Variants in CUL4B observed in about 807,000 individuals in gnomAD.
The protein encoded by CUL4B is cullin-4B.
CUL4B carries 1 observed loss-of-function variant against 69.2 expected under a neutral mutation model. The ratio of observed to expected loss-of-function variants is 0.01; its 90% CI spans 0.01 to 0.07. The LOEUF (loss-of-function observed/expected upper bound fraction) is 0.07. Ranked by LOEUF, CUL4B falls within the 10% of genes least tolerant of loss-of-function variation. The pLI is 1.00. For synonymous variants in CUL4B, 237 were observed against 223.2 expected (o/e 1.06, Z -0.55); for missense variants, 328 against 638.8 (o/e 0.51, Z 5.24).
upstream of CUL4B, among the ~76,000 whole-genome samples, chrX:120,563,999 T>C (rs775282175): frequency 4.4e-5 from 5 of 112,505 alleles, no homozygotes; most frequent in South Asian, 1.8e-3. Context: ...AGTTACATGT[T>C]GGTTTTAAAA....
At chrX:120,568,195 C>T (rs1348496131), downstream of CUL4B, among the ~76,000 whole-genome samples, 3 of 110,691 alleles carry the variant, frequency 2.7e-5, no homozygotes, top group Non-Finnish European at 5.7e-5. Context: ...GAAGCCACTG[C>T]AATAGGGAGT....
chrX:120,562,658 G>A (rs748882631), upstream of CUL4B, among the ~76,000 whole-genome samples: 1 of 111,899 alleles, frequency 8.9e-6, no homozygotes, highest in Non-Finnish European at 1.9e-5. Context: ...CTCAAAGTGG[G>A]AGTTGCCAAA....
rs567034114 is a variant in CUL4B at position 120,545,256 on chromosome X, A to C, written c.920+188T>G. On this transcript the variant is annotated intron_variant, in intron 5 of 19. Coordinates refer to ENST00000371322, the MANE Select transcript of CUL4B (RefSeq NM_001079872.2). ...TCATAAATTAATATATGCCCAGGGA[A>C]TGTTAGCTATCTTCAATATTAGCAT... Among the ~76,000 whole-genome samples, 5 of 112,298 alleles carry C rather than the reference A, an allele frequency of 4.5e-5. No individual in the cohort carries two copies. In the South Asian group the frequency reaches 1.8e-3, roughly 41 times the overall value.
intron 1 of CUL4B, among the ~76,000 whole-genome samples, chrX:120,558,734 T>C (rs1436078402): frequency 8.9e-6 from 1 of 112,060 alleles, no homozygotes; most frequent in Non-Finnish European, 1.9e-5. Context: ...GGCTTTAAAC[T>C]TCACTGACTA....
At position 120,574,589 on chromosome X, in the gene CUL4B, T is replaced by G. The variant is rs2147360370; in HGVS notation, c.29A>C (p.Asp10Ala). Reference sequence around the variant, plus strand: ...GGTAGTAGCCTCATCATCATTCCCATCTCCTGATCCAGATGACTGTGACAT... The same window carrying G: ...GGTAGTAGCCTCATCATCATTCCCAGCTCCTGATCCAGATGACTGTGACAT... The change falls in exon 2 of 3, where the codon GAT (aspartate) becomes GCT (alanine). Residue 10 changes from aspartate (D) to alanine (A), a missense_variant. Coordinates refer to the CUL4B transcript ENST00000486604. 1.7e-6 allele frequency: 2 copies of G among 1,207,885 alleles called. No individual in the cohort carries two copies. The highest frequency in any genetic ancestry group is 3.5e-5 in the South Asian group (2 of 56,925).
At chrX:120,572,510 C>T (rs777827345) in intron 2 of CUL4B, among the ~76,000 whole-genome samples, 2 of 107,601 alleles carry the variant, frequency 1.9e-5, no homozygotes, top group Admixed American at 2.0e-4. Context: ...GTCCAGGTCT[C>T]AACAACCTTT....
chrX:120,560,126 G>A lies in CUL4B; in HGVS notation c.513C>T (p.Ser171=), dbSNP rs1416466946. ...SSTTVSSFAN[S]KPGSAKKLVI... ...CTAACTTCTTAGCAGAGCCAGGTTT[G>A]CTGTTAGCAAAGCTAGAGACGGTGG... Residue 171 remains serine, a synonymous_variant, in exon 1 of 20, where the codon AGC becomes AGT. Coordinates refer to ENST00000371322, the MANE Select transcript of CUL4B (RefSeq NM_001079872.2). 8.3e-7 allele frequency: 1 copy of A among 1,212,057 alleles called. No individual in the cohort carries two copies. Among genetic ancestry groups the A allele is most frequent in the African/African-American group, 1.7e-5 (1 of 57,882 alleles).
At chrX:120,544,064 G>C in intron 7 of CUL4B, 50 bp downstream of exon 7, 4 of 775,102 alleles carry the variant, frequency 5.2e-6, no homozygotes, top group Non-Finnish European at 6.0e-6. Context: ...TACAAAGTAA[G>C]GTCTATTGTG....
chrX:120,541,499 C>CAAAA, intron 10 of CUL4B, 103 bp downstream of exon 10: 1 of 514,407 alleles, frequency 1.9e-6, no homozygotes, highest in African/African-American at 2.7e-5. Context: ...AACTCTGTCT[C>CAAAA]AAAAAAAAAA....
intron 10 of CUL4B, among the ~76,000 whole-genome samples, chrX:120,541,018 T>C (rs771109171): frequency 1.0e-3 from 112 of 112,331 alleles, no homozygotes; most frequent in Admixed American, 2.1e-3. Context: ...TAGTGTAAGA[T>C]TGAAGAAAGG....
chrX:120,568,181 A>G (rs1925611770), downstream of CUL4B, among the ~76,000 whole-genome samples: 1 of 111,155 alleles, frequency 9.0e-6, no homozygotes, highest in Admixed American at 9.6e-5. Context: ...AAACAGAACT[A>G]GAAGAAGCCA....
In CUL4B at chrX:120,524,278, C is replaced by T. The variant is rs1922853079; in HGVS notation, c.*2483G>A. Among the ~76,000 whole-genome samples, 1 of 111,628 alleles carries T rather than the reference C, an allele frequency of 9.0e-6. No individual in the cohort carries two copies. The highest frequency in any genetic ancestry group is 1.9e-5 in the Non-Finnish European group (1 of 53,087). On this transcript the variant is annotated 3_prime_UTR_variant, in exon 20 of 20. Coordinates refer to ENST00000371322, the MANE Select transcript of CUL4B (RefSeq NM_001079872.2). Reference sequence around the variant, plus strand: ...CCATAACTAAGAGTAATCTTTTCTTCTCCCCTGAACTCAAATCTAGACTCA... The same window carrying T: ...CCATAACTAAGAGTAATCTTTTCTTTTCCCCTGAACTCAAATCTAGACTCA...
intron 2 of CUL4B, among the ~76,000 whole-genome samples, chrX:120,554,100 T>C (rs887862151): frequency 8.9e-6 from 1 of 112,254 alleles, no homozygotes; most frequent in Non-Finnish European, 1.9e-5. Flanking sequence ...TAAAATAAAA[T>C]GTAATTTTAA....
At chrX:120,530,348 G>A (rs1399441038) in intron 18 of CUL4B, 94 bp from the exon 19 acceptor site, 1 of 832,729 alleles carries the variant, frequency 1.2e-6, no homozygotes, top group Non-Finnish European at 1.8e-6. Context: ...CATTGTTATT[G>A]CTTTAAAGGT....
At position 120,550,702 on chromosome X, in the gene CUL4B, C is replaced by T. The variant is rs142381957; in HGVS notation, c.673-3463G>A. 5.6e-3 allele frequency among the ~76,000 whole-genome samples: 623 copies of T among 111,587 alleles called. 5 individuals are homozygous for T. Among genetic ancestry groups the T allele is most frequent in the African/African-American group, 0.016 (495 of 30,719 alleles). On this transcript the variant is annotated intron_variant, in intron 2 of 19. Transcript: ENST00000371322. ...CTAAGGTGAGTTTTGAGGTCAAGTTCGGAGGGAACATTCTGTTTTTCTAAT... is the reference window on the plus strand; with the variant it reads ...CTAAGGTGAGTTTTGAGGTCAAGTTTGGAGGGAACATTCTGTTTTTCTAAT...
intron 6 of CUL4B, 95 bp downstream of exon 6, chrX:120,544,386 T>C (rs960912810): frequency 3.1e-6 from 3 of 972,224 alleles, no homozygotes; most frequent in Non-Finnish European, 4.4e-6. Context: ...CCTTCAAACC[T>C]TGTTATGACA....
At chrX:120,531,054 T>C (rs1424906591) in intron 18 of CUL4B, among the ~76,000 whole-genome samples, 1 of 111,656 alleles carries the variant, frequency 9.0e-6, no homozygotes, top group East Asian at 2.8e-4. Flanking sequence ...TCGGGCTCAG[T>C]GGCTCACACC....
chrX:120,552,730 T>G (rs1924757220), intron 2 of CUL4B, among the ~76,000 whole-genome samples: 1 of 112,074 alleles, frequency 8.9e-6, no homozygotes, highest in African/African-American at 3.2e-5. Flanking sequence ...ATGCAAATAT[T>G]TACTGAACAA....
chrX:120,541,571 G>T, intron 10 of CUL4B, 31 bp downstream of exon 10: 1 of 941,800 alleles, frequency 1.1e-6, no homozygotes, highest in Non-Finnish European at 1.5e-6. Flanking sequence ...TAAGCCATAA[G>T]AGAGAAAAAT....
Sources: allele counts gnomAD v4.1 joint callset (sites outside exome capture counted in the v4.1 genomes callset), GRCh38; gene constraint gnomAD v4.1.1; transcripts MANE v1.5; gene names NCBI Gene and HGNC (gene_info 2026-07-23, HGNC 2026-07-21).